Variants in RTKN2 observed in about 807,000 individuals in gnomAD.
RTKN2 encodes the protein rhotekin-2.
Under a neutral mutation model 71.5 loss-of-function variants are expected in RTKN2, and 69 were observed. The observed-to-expected ratio is 0.96, with a 90% CI of 0.79 to 1.18. The LOEUF is 1.18. Ranked by LOEUF, RTKN2 falls within the 50% of genes most tolerant of loss-of-function variation. RTKN2 has a pLI of 0.00. For synonymous variants in RTKN2, 236 were observed against 236.5 expected (o/e 1.00, Z 0.02); for missense variants, 724 against 719.7 (o/e 1.01, Z -0.07).
intron 1 of RTKN2, among the ~76,000 whole-genome samples, chr10:62,268,235 T>TCACCTA (rs1340746397): frequency 7.2e-5 from 11 of 152,330 alleles, no homozygotes; most frequent in African/African-American, 2.6e-4. Context: ...TTCCCCGGCA[T>TCACCTA]CACCTACACC....
chr10:62,188,210 T>C (rs6479789), downstream of RTKN2, among the ~76,000 whole-genome samples: 27,306 of 152,138 alleles, frequency 0.18, 2,641 homozygotes, highest in African/African-American at 0.24. Context: ...GTCGCAGTCA[T>C]GCCTAGACTT....
intron 2 of RTKN2, among the ~76,000 whole-genome samples, chr10:62,251,265 A>G (rs1372666026): frequency 6.6e-6 from 1 of 152,216 alleles, no homozygotes; most frequent in Non-Finnish European, 1.5e-5. Context: ...CTTTTATTAC[A>G]GTATATTGTT....
chr10:62,242,373 CATA>C (rs1339331840), intron 3 of RTKN2, among the ~76,000 whole-genome samples: 47 of 152,150 alleles, frequency 3.1e-4, no homozygotes, highest in African/African-American at 1.1e-3. Flanking sequence ...CACAGAATAG[CATA>C]ATAATTTGTC....
At chr10:62,201,328 A>G (rs1254487249) in intron 10 of RTKN2, among the ~76,000 whole-genome samples, 2 of 152,132 alleles carry the variant, frequency 1.3e-5, no homozygotes, top group Non-Finnish European at 2.9e-5. Context: ...CACCACCATT[A>G]GTTAAGAAAC....
downstream of RTKN2, among the ~76,000 whole-genome samples, chr10:62,192,344 G>A (rs933264743): frequency 1.3e-5 from 2 of 152,112 alleles, no homozygotes; most frequent in African/African-American, 4.8e-5. Context: ...AGTATACTAT[G>A]ACAGGGTTAA....
chr10:62,213,294 G>A (rs1841699478), intron 9 of RTKN2, among the ~76,000 whole-genome samples: 1 of 152,114 alleles, frequency 6.6e-6, no homozygotes, highest in Admixed American at 6.5e-5. Context: ...AGATTATGTT[G>A]GAGAGAGGGC....
chr10:62,268,457 G>T, intron 1 of RTKN2, 94 bp downstream of exon 1: 1 of 1,160,994 alleles, frequency 8.6e-7, no homozygotes, highest in Non-Finnish European at 1.3e-6. Context: ...AGGAGCGGGG[G>T]AGAGGCTTTC....
At chr10:62,199,594 T>C (rs1841398160) in intron 11 of RTKN2, among the ~76,000 whole-genome samples, 160 bp downstream of exon 11, 1 of 152,252 alleles carries the variant, frequency 6.6e-6, no homozygotes, top group African/African-American at 2.4e-5. Flanking sequence ...TTAATTCATC[T>C]ATTAAACATG....
intron 10 of RTKN2, among the ~76,000 whole-genome samples, chr10:62,203,902 C>T (rs574060301): frequency 2.4e-4 from 37 of 152,282 alleles, no homozygotes; most frequent in African/African-American, 7.5e-4. Flanking sequence ...ATCTGTTATA[C>T]GGGAAATAAT....
intron 2 of RTKN2, among the ~76,000 whole-genome samples, chr10:62,260,202 C>A (rs984440292): frequency 4.6e-5 from 7 of 152,160 alleles, no homozygotes; most frequent in Non-Finnish European, 8.8e-5. Context: ...GCTGAATATA[C>A]AATATTGTCA....
intron 2 of RTKN2, among the ~76,000 whole-genome samples, chr10:62,251,813 G>T (rs1053505546): frequency 3.3e-5 from 5 of 151,764 alleles, no homozygotes; most frequent in African/African-American, 1.2e-4. Flanking sequence ...GAAAGAACAA[G>T]GAGAGAAACT....
At chr10:62,189,001 G>A (rs1258774041), downstream of RTKN2, among the ~76,000 whole-genome samples, 2 of 151,006 alleles carry the variant, frequency 1.3e-5, no homozygotes, top group Non-Finnish European at 2.9e-5. Context: ...GCCCACGTCG[G>A]CCTCCCAAAG....
rs34518542 is a variant in RTKN2, at chr10:62,256,022, C to CTT, written c.257+6601_257+6602dup. 1.3e-3 allele frequency among the ~76,000 whole-genome samples: 188 copies of CTT among 145,780 alleles called. 1 individual carries two copies. Among genetic ancestry groups the CTT allele is most frequent in the East Asian group, 3.8e-3 (19 of 5,030 alleles). ...AGGCTATATTTTTAAAATCTAGACTCTTTTTTTTTTTTTTGAGACAGGGTC... is the reference window on the plus strand; with the variant it reads ...AGGCTATATTTTTAAAATCTAGACTCTTTTTTTTTTTTTTTTGAGACAGGGTC... On this transcript the variant is annotated intron_variant, in intron 2 of 11. Coordinates refer to ENST00000373789, the MANE Select transcript of RTKN2 (RefSeq NM_145307.4).
intron 7 of RTKN2, among the ~76,000 whole-genome samples, chr10:62,219,912 T>A (rs1050894491): frequency 2.0e-5 from 3 of 152,154 alleles, no homozygotes; most frequent in African/African-American, 7.2e-5. Flanking sequence ...ACTACCTATC[T>A]ATATGGAGGA....
chr10:62,240,670 C>T (rs369503060), intron 4 of RTKN2, among the ~76,000 whole-genome samples: 170 of 151,634 alleles, frequency 1.1e-3, no homozygotes, highest in African/African-American at 4.0e-3. Context: ...CTAAGCAATA[C>T]ACGGATTTGT....
chr10:62,268,207 G>T (rs1842900579), intron 1 of RTKN2, among the ~76,000 whole-genome samples: 1 of 152,208 alleles, frequency 6.6e-6, no homozygotes, highest in Admixed American at 6.5e-5. Flanking sequence ...GGTTTCTTGG[G>T]AATCGAGGGG....
intron 2 of RTKN2, among the ~76,000 whole-genome samples, chr10:62,249,889 G>A (rs1381150819): frequency 6.6e-6 from 1 of 152,208 alleles, no homozygotes; most frequent in African/African-American, 2.4e-5. Flanking sequence ...TAAACCATTT[G>A]TTAAAGTGAT....
rs201336632 is a variant in RTKN2 at position 62,218,318 on chromosome 10, G to A, written c.782-17C>T. On this transcript the variant is annotated splice_polypyrimidine_tract_variant and intron_variant, in intron 7 of 11. Coordinates refer to ENST00000373789, the MANE Select transcript of RTKN2 (RefSeq NM_145307.4). ...AAGACTCCTCTATTTAAAGGAGAAA[G>A]AAAAAAAAAAATCAAGTTATAAATA... 72 of 1,174,630 alleles carry A rather than the reference G, an allele frequency of 6.1e-5. No individual in the cohort carries two copies. The highest frequency in any genetic ancestry group is 3.9e-4 in the Admixed American group (18 of 46,060). The allele number at this position is 1,174,630 out of a possible 1,614,324, so 72.8% of individuals were successfully genotyped here.
chr10:62,250,791 A>G (rs1248505913), intron 2 of RTKN2, among the ~76,000 whole-genome samples: 1 of 152,080 alleles, frequency 6.6e-6, no homozygotes, highest in Admixed American at 6.6e-5. Flanking sequence ...CACCATGCCC[A>G]GCTAATGTTT....
Sources: gnomAD v4.1 joint callset for allele counts (sites outside exome capture counted in the v4.1 genomes callset) on GRCh38, gnomAD v4.1.1 for gene constraint, MANE v1.5 for transcripts, NCBI Gene and HGNC (gene_info 2026-07-23, HGNC 2026-07-21) for gene names.